GALNT18: variants seen among roughly 807,000 people sequenced by gnomAD.
The protein encoded by GALNT18 is polypeptide N-acetylgalactosaminyltransferase 18.
Under a neutral mutation model 69.5 loss-of-function variants are expected in GALNT18, and 44 were observed. The ratio of observed to expected loss-of-function variants is 0.63; its 90% CI spans 0.50 to 0.81. The LOEUF (loss-of-function observed/expected upper bound fraction) is 0.81. Among genes scored for constraint, GALNT18 ranks in the 40% least tolerant of loss-of-function variants. The pLI is 0.00. For synonymous variants in GALNT18, 364 were observed against 318.2 expected, an observed-to-expected ratio of 1.14 and a Z score of -1.53; for missense variants, 715 against 810.0, an observed-to-expected ratio of 0.88 and a Z score of 1.42.
At chr11:11,290,709 C>T (rs540661093) in intron 10 of GALNT18, among the ~76,000 whole-genome samples, 10 of 152,252 alleles carry the variant, frequency 6.6e-5, no homozygotes, top group African/African-American at 2.4e-4. Context: ...ACCAGCCCTG[C>T]CCACCCCTAG....
At chr11:11,537,385 A>G (rs1857805353) in intron 1 of GALNT18, among the ~76,000 whole-genome samples, 1 of 152,130 alleles carries the variant, frequency 6.6e-6, no homozygotes, top group African/African-American at 2.4e-5. Flanking sequence ...TCCTTTAACC[A>G]TAATTCTTTG....
rs1858530976 is a variant in GALNT18 at position 11,562,341 on chromosome 11, T to C, written c.235+59018A>G. Among the ~76,000 whole-genome samples the C allele has an allele frequency of 6.6e-6, 1 of 152,194 alleles. No individual in the cohort carries two copies. Among genetic ancestry groups the C allele is most frequent in the Admixed American group, 6.5e-5 (1 of 15,276 alleles). On this transcript the variant is annotated intron_variant, in intron 1 of 10. Transcript: ENST00000227756. This position sits in a 1 kb window ranked among gnomAD's most constrained non-coding sequence, Gnocchi z 4.1. Reference sequence around the variant, plus strand: ...TGCGTGTCCATGTTTCCCCTTTAGATGTGCACACCCGTCATATTGGATTGG... The same window carrying C: ...TGCGTGTCCATGTTTCCCCTTTAGACGTGCACACCCGTCATATTGGATTGG...
At chr11:11,574,968 T>G (rs962156357) in intron 1 of GALNT18, among the ~76,000 whole-genome samples, 17 of 152,240 alleles carry the variant, frequency 1.1e-4, no homozygotes, top group African/African-American at 3.9e-4. Flanking sequence ...TTGGTGTTCT[T>G]GGACCAGGTT....
chr11:11,348,318 C>T (rs1850338391), intron 6 of GALNT18, among the ~76,000 whole-genome samples: 2 of 146,096 alleles, frequency 1.4e-5, no homozygotes, highest in African/African-American at 5.2e-5. Flanking sequence ...GCGGAGATTG[C>T]AGTGAGCCAA....
At chr11:11,569,971 C>G (rs1489994038) in intron 1 of GALNT18, 1 of 152,170 alleles carries the variant, frequency 6.6e-6, no homozygotes, top group African/African-American at 2.4e-5. Flanking sequence ...GCAGGCCACT[C>G]AGGAAGTGAG....
intron 4 of GALNT18, among the ~76,000 whole-genome samples, chr11:11,378,854 C>G (rs1412474259): frequency 6.6e-6 from 1 of 152,180 alleles, no homozygotes; most frequent in African/African-American, 2.4e-5. Flanking sequence ...TATTAGGCAC[C>G]GTGTGCTGAC....
chr11:11,547,619 C>T (rs1014882069), intron 1 of GALNT18, among the ~76,000 whole-genome samples: 11 of 152,166 alleles, frequency 7.2e-5, no homozygotes, highest in African/African-American at 2.2e-4. Flanking sequence ...ACCTGCTCCA[C>T]AGGACCTGCT....
intron 3 of GALNT18, among the ~76,000 whole-genome samples, chr11:11,397,533 G>A (rs1436469843): frequency 6.6e-6 from 1 of 152,136 alleles, no homozygotes; most frequent in Non-Finnish European, 1.5e-5. Flanking sequence ...GCACCATCTC[G>A]GCTCACTGCA....
chr11:11,478,362 C>A (rs1403876805), intron 1 of GALNT18, among the ~76,000 whole-genome samples: 1 of 152,212 alleles, frequency 6.6e-6, no homozygotes, highest in Non-Finnish European at 1.5e-5. Flanking sequence ...CCCATGGCCT[C>A]TTTCTTGGGA....
rs779743625 is a variant in GALNT18 at position 11,461,564 on chromosome 11, G to A, written c.236-12628C>T. 6.6e-6 allele frequency among the ~76,000 whole-genome samples: 1 copy of A among 151,978 alleles called. No homozygotes were observed. Among genetic ancestry groups the A allele is most frequent in the South Asian group, 2.1e-4 (1 of 4,808 alleles). ...TGAAGCACATACCGTTATCCCCCCC[G>A]CTCCCGCCCGCCACCGAGCTGACAG... On this transcript the variant is annotated intron_variant, in intron 1 of 10. Transcript: ENST00000227756. This position sits in a 1 kb window ranked among gnomAD's most constrained non-coding sequence, Gnocchi z 4.1.
chr11:11,345,820 G>A (rs556314514), intron 6 of GALNT18, among the ~76,000 whole-genome samples: 1 of 152,126 alleles, frequency 6.6e-6, no homozygotes, highest in Non-Finnish European at 1.5e-5. Flanking sequence ...AGGCAGGTGT[G>A]GTCGCAGGGA....
intron 1 of GALNT18, among the ~76,000 whole-genome samples, chr11:11,544,301 T>C (rs1306915769): frequency 2.0e-5 from 3 of 152,216 alleles, no homozygotes; most frequent in African/African-American, 7.2e-5. Flanking sequence ...TCCTGCTGAC[T>C]TATATTCAGA....
At chr11:11,532,165 C>T (rs1019434899) in intron 1 of GALNT18, among the ~76,000 whole-genome samples, 1 of 151,960 alleles carries the variant, frequency 6.6e-6, no homozygotes, top group Admixed American at 6.6e-5. Flanking sequence ...CACTAAGCCC[C>T]TGGAGGACAA....
At chr11:11,561,177 C>T (rs570117723) in intron 1 of GALNT18, among the ~76,000 whole-genome samples, 33 of 152,236 alleles carry the variant, frequency 2.2e-4, no homozygotes, top group Middle Eastern at 6.8e-3. Context: ...AACTGCGAGG[C>T]GCCTTTTTCA....
At chr11:11,273,825 T>C (rs1848877873) in intron 10 of GALNT18, among the ~76,000 whole-genome samples, 1 of 152,114 alleles carries the variant, frequency 6.6e-6, no homozygotes, top group Admixed American at 6.5e-5. Context: ...GAATAAGGAA[T>C]ATGTGGTATA....
chr11:11,466,941 C>A (rs1856167001), intron 1 of GALNT18, among the ~76,000 whole-genome samples: 1 of 152,206 alleles, frequency 6.6e-6, no homozygotes, highest in African/African-American at 2.4e-5. Flanking sequence ...TGTGCAATTT[C>A]TAGAAGGCTC....
chr11:11,363,533 ATGT>A (rs1191706743), intron 6 of GALNT18, among the ~76,000 whole-genome samples: 1 of 152,218 alleles, frequency 6.6e-6, no homozygotes, highest in East Asian at 1.9e-4. Context: ...ACAGGTACCT[ATGT>A]TGTTGTCATT....
In GALNT18 at chr11:11,542,178, T is replaced by C. The variant is rs1199362925; in HGVS notation, c.235+79181A>G. Among the ~76,000 whole-genome samples the C allele has an allele frequency of 2.6e-5, 4 of 152,180 alleles. No homozygotes were observed. The highest frequency in any genetic ancestry group is 9.7e-5 in the African/African-American group (4 of 41,448). ...GCTTATTTACTGACCATTAAAGACT[T>C]TGCCCAAAGGCTGTGGCTGCGTCTT... is the stretch of plus-strand genomic sequence containing the variant. On this transcript the variant is annotated intron_variant, in intron 1 of 10. Coordinates refer to ENST00000227756, the MANE Select transcript of GALNT18 (RefSeq NM_198516.3). The surrounding 1 kb of genome is among the most constrained non-coding windows in gnomAD (Gnocchi z 4.3).
At position 11,546,389 on chromosome 11, in the gene GALNT18, C is replaced by G. The variant is rs947867640; in HGVS notation, c.235+74970G>C. On this transcript the variant is annotated intron_variant, in intron 1 of 10. Transcript: ENST00000227756. The surrounding 1 kb of genome is among the most constrained non-coding windows in gnomAD (Gnocchi z 5.8). ...ATTCTCTCCATTTCTGCCTTCCGCT[C>G]TCTGTGCCAACCACACCAACCTGCT... Among the ~76,000 whole-genome samples the G allele has an allele frequency of 2.0e-5, 3 of 152,186 alleles. No homozygotes were observed. The highest frequency in any genetic ancestry group is 2.1e-4 in the South Asian group (1 of 4,828).
Sources: gnomAD v4.1 joint callset for allele counts (sites outside exome capture counted in the v4.1 genomes callset) on GRCh38, gnomAD v4.1.1 for gene constraint, Gnocchi (gnomAD v3.1) non-coding constraint, MANE v1.5 for transcripts, NCBI Gene and HGNC (gene_info 2026-07-23, HGNC 2026-07-21) for gene names.